Variants in XKR5 observed in about 807,000 individuals in gnomAD.
XKR5 encodes XK-related protein 5.
Under a neutral mutation model 40.8 loss-of-function variants are expected in XKR5, and 46 were observed. The observed-to-expected ratio is 1.13, with a 90% CI of 0.89 to 1.44. The LOEUF is 1.44. Ranked by LOEUF, XKR5 falls within the 40% of genes most tolerant of loss-of-function variation. The pLI is 0.00. For missense variants in XKR5, 1,169 were observed against 844.7 expected, an observed-to-expected ratio of 1.38 and a Z score of -4.76; for synonymous variants, 466 against 356.1, an observed-to-expected ratio of 1.31 and a Z score of -3.48.
At chr8:6,823,471 G>A (rs551240117) in intron 4 of XKR5, 50 bp downstream of exon 4, 10 of 1,533,692 alleles carry the variant, frequency 6.5e-6, no homozygotes, top group Non-Finnish European at 8.9e-6. Flanking sequence ...TTCATTTCTG[G>A]GTTGATTGGT....
At chr8:6,827,859 A>C (rs908904108) in intron 2 of XKR5, among the ~76,000 whole-genome samples, 1 of 152,152 alleles carries the variant, frequency 6.6e-6, no homozygotes, top group Non-Finnish European at 1.5e-5. Context: ...TGAGCTTGGG[A>C]GTTTGAGACC....
chr8:6,814,639 C>G (rs1803878900), intron 6 of XKR5, among the ~76,000 whole-genome samples: 2 of 152,104 alleles, frequency 1.3e-5, no homozygotes, highest in Admixed American at 1.3e-4. Context: ...ACGGGGAGCT[C>G]TGTATTATTT....
chr8:6,812,266 C>T lies in XKR5; in HGVS notation c.993G>A (p.Arg331=), dbSNP rs1275457071. The change falls in exon 7 of 7, where the codon AGG becomes AGA. Residue 331 remains arginine (R), a synonymous_variant. Coordinates refer to ENST00000618742, the MANE Select transcript of XKR5 (RefSeq NM_207411.5). ...CACCTCCTGCAATGCCACAGGACTT[C>T]CTTAGGCAGCCCTGCCAGATGTCTG... ...KSTDIWQGCL[R]KSCGIAGGDK... The T allele has an allele frequency of 1.9e-6, 3 of 1,553,914 alleles. No homozygotes were observed. Among genetic ancestry groups the T allele is most frequent in the Non-Finnish European group, 2.6e-6 (3 of 1,147,742 alleles).
chr8:6,825,077 T>C (rs1804398784), intron 3 of XKR5, 88 bp downstream of exon 3: 2 of 1,511,620 alleles, frequency 1.3e-6, no homozygotes, highest in Non-Finnish European at 1.8e-6. Context: ...AGAGGAAATC[T>C]CGAAGGGAGG....
At chr8:6,821,792 A>AC (rs552404023) in intron 5 of XKR5, 77 bp downstream of exon 5, 5 of 1,293,684 alleles carry the variant, frequency 3.9e-6, no homozygotes, top group Non-Finnish European at 4.2e-6. Flanking sequence ...ACACACACAC[A>AC]CCCCCCACAC....
At position 6,811,518 on chromosome 8, in the gene XKR5, C is replaced by G; in HGVS notation, c.1741G>C (p.Ala581Pro). 6.5e-7 allele frequency: 1 copy of G among 1,530,326 alleles called. No individual in the cohort carries two copies. Among genetic ancestry groups the G allele is most frequent in the Admixed American group, 2.0e-5 (1 of 50,658 alleles). 94.8% of individuals were successfully genotyped at this position (1,530,326 alleles called of 1,614,324 possible). Residue 581 changes from alanine (A) to proline (P), a missense_variant, in exon 7 of 7, where the codon GCA becomes CCA. By Grantham distance (27) the Ala-to-Pro change is conservative. Transcript: ENST00000618742. ...GCCAAGCCCACTGGGTGGGGCGATG[C>G]AGGCTGGGCAGGGCTGCTCTTTCCC... ...RLGKSSPAQP[A>P]SPHPVGLAPF...
At chr8:6,835,399 T>C in intron 1 of XKR5, 37 bp downstream of exon 1, 1 of 1,425,174 alleles carries the variant, frequency 7.0e-7, no homozygotes, top group South Asian at 1.4e-5. Context: ...GGTTAGGGGC[T>C]GCAGGGGTGA....
In XKR5 at chr8:6,833,041, C is replaced by G. The variant is rs74940330; in HGVS notation, c.59-141G>C. 419 of 758,966 alleles carry G rather than the reference C, an allele frequency of 5.5e-4. No homozygotes were observed. In the African/African-American group the frequency reaches 6.8e-3, roughly 12 times the overall value. The allele number at this position is 758,966 out of a possible 1,614,324, so 47.0% of individuals were successfully genotyped here. On this transcript the variant is annotated intron_variant, in intron 1 of 6. Transcript: ENST00000618742. ...TCTTTCTGGCTGGGGAGTGACTGTC[C>G]CTCCCAAGGCTAGCAATTATTTCAG...
chr8:6,811,814 A>G lies in XKR5; in HGVS notation c.1445T>C (p.Leu482Ser). 2.0e-6 allele frequency: 3 copies of G among 1,537,622 alleles called. No individual in the cohort carries two copies. Among genetic ancestry groups the G allele is most frequent in the Middle Eastern group, 1.7e-4 (1 of 5,990 alleles). ...EGVPKAEADPLETSSYVSFAS... is the reference protein window; with the variant it reads ...EGVPKAEADPSETSSYVSFAS... Reference sequence around the variant, plus strand: ...AAAAGATACGTAACTTGAGGTTTCCAATGGGTCGGCCTCTGCTTTAGGGAC... The same window carrying G: ...AAAAGATACGTAACTTGAGGTTTCCGATGGGTCGGCCTCTGCTTTAGGGAC... Residue 482 changes from leucine to serine, a missense_variant, in exon 7 of 7, where the codon TTG (leucine) becomes TCG (serine). Transcript: ENST00000618742.
rs1458068956 is a variant in XKR5, at chr8:6,811,426, G to A, written c.1833C>T (p.Cys611=). Residue 611 remains cysteine, a synonymous_variant, in exon 7 of 7, where the codon TGC becomes TGT. Coordinates refer to ENST00000618742, the MANE Select transcript of XKR5 (RefSeq NM_207411.5). Reference sequence around the variant, plus strand: ...TTCTTCCAGGGAAGCCTGCACTGGGGCAGAAGCCTCTACATGGGCCTGTGC... The same window carrying A: ...TTCTTCCAGGGAAGCCTGCACTGGGACAGAAGCCTCTACATGGGCCTGTGC... ...ILGTGPCRGF[C]PSAGFPGRTL... 2 of 1,536,944 alleles carry A rather than the reference G, an allele frequency of 1.3e-6. No homozygotes were observed. Among genetic ancestry groups the A allele is most frequent in the Non-Finnish European group, 1.7e-6 (2 of 1,146,788 alleles).
chr8:6,818,252 C>T (rs767432194), intron 5 of XKR5, among the ~76,000 whole-genome samples: 24 of 152,224 alleles, frequency 1.6e-4, no homozygotes, highest in Admixed American at 3.3e-4. Context: ...GTTCTAGCGC[C>T]GTCCACACCT....
rs938332915 is a variant in XKR5, at chr8:6,810,559, G to A, written c.*639C>T. 3 of 152,276 alleles carry A rather than the reference G, an allele frequency of 2.0e-5. No individual in the cohort carries two copies. Among genetic ancestry groups the A allele is most frequent in the African/African-American group, 7.2e-5 (3 of 41,456 alleles). The allele number at this position is 152,276 out of a possible 1,614,324, so 9.4% of individuals were successfully genotyped here. A position where few individuals can be genotyped will look rare whatever the true frequency, so the allele number is the denominator to read the frequency against. ...GGTCTGAGAGTGAATTGCAGAAAAT[G>A]TGTGCATGTGCCCTTAGCATGGGTG... On this transcript the variant is annotated 3_prime_UTR_variant, in exon 7 of 7. Coordinates refer to ENST00000618742, the MANE Select transcript of XKR5 (RefSeq NM_207411.5).
In XKR5 at chr8:6,810,972, G is replaced by C. The variant is rs189688402; in HGVS notation, c.*226C>G. On this transcript the variant is annotated 3_prime_UTR_variant, in exon 7 of 7. Coordinates refer to ENST00000618742, the MANE Select transcript of XKR5 (RefSeq NM_207411.5). ...TGGAATCTCTTTCTCCTCCTCTAAA[G>C]TATGTTAGAGTCTCTCCTATGCATG... is the stretch of plus-strand genomic sequence containing the variant. 4.6e-6 allele frequency: 2 copies of C among 431,356 alleles called. No individual in the cohort carries two copies. The highest frequency in any genetic ancestry group is 3.7e-5 in the East Asian group (1 of 27,278). The allele number at this position is 431,356 out of a possible 1,614,324, so 26.7% of individuals were successfully genotyped here. A position where few individuals can be genotyped will look rare whatever the true frequency, so the allele number is the denominator to read the frequency against.
In XKR5 at chr8:6,825,295, T is replaced by C. The variant is rs1025107389; in HGVS notation, c.297A>G (p.Arg99=). ...CGGCCTCCTGCAGCTGCAGCCAGCC[T>C]CGGTGGGGAGCCTCCAGTTCCTTCT... The part of the protein sequence containing the change: ...SLQKELEAPH[R]GWLQLQEADL... The change falls in exon 3 of 7, where the codon CGA becomes CGG. Residue 99 remains arginine (R), a synonymous_variant. Transcript: ENST00000618742. 1 of 1,609,034 alleles carries C rather than the reference T, an allele frequency of 6.2e-7. No individual in the cohort carries two copies. The highest frequency in any genetic ancestry group is 8.5e-7 in the Non-Finnish European group (1 of 1,178,136).
rs561789676 is a variant in XKR5, at chr8:6,832,849, C to G, written c.110G>C (p.Trp37Ser). ...GGGCAGGAGGACAGCAAGGGCCAGC[C>G]ACCCCCACAGAAGCCGTCCTGTGGT... The part of the protein sequence containing the change: ...YFTTGRLLWG[W>S]LALAVLLPGF... Residue 37 changes from tryptophan to serine, a missense_variant, in exon 2 of 7, where the codon TGG (tryptophan) becomes TCG (serine). Transcript: ENST00000618742. The G allele has an allele frequency of 1.9e-6, 3 of 1,610,942 alleles. No homozygotes were observed. The highest frequency in any genetic ancestry group is 2.5e-6 in the Non-Finnish European group (3 of 1,178,824).
At chr8:6,830,463 A>C (rs1804711809) in intron 2 of XKR5, among the ~76,000 whole-genome samples, 1 of 152,126 alleles carries the variant, frequency 6.6e-6, no homozygotes, top group Non-Finnish European at 1.5e-5. Flanking sequence ...TTTTTGGTTC[A>C]TGTTTAACCT....
rs1189826269 is a variant in XKR5, at chr8:6,811,593, GT to G, written c.1665del (p.Gln555HisfsTer48). On this transcript the variant is annotated frameshift_variant, in exon 7 of 7. Coordinates refer to ENST00000618742, the MANE Select transcript of XKR5 (RefSeq NM_207411.5). LOFTEE classifies it low-confidence loss of function (END_TRUNC). The stretch of plus-strand genomic sequence containing the variant: ...TGCAGAGTAGCTGGGCTGCCTTCTT[GT>G]TGTGAGGATGTGGCCACTTCTGCAG... ...SATAEVATSS[Q>X]QEGSPATLQT... 71 of 1,537,284 alleles carry G rather than the reference GT, an allele frequency of 4.6e-5. No individual in the cohort carries two copies. In the Admixed American group the frequency reaches 1.4e-3, roughly 30 times the overall value.
intron 1 of XKR5, among the ~76,000 whole-genome samples, chr8:6,834,017 AC>A: frequency 6.6e-6 from 1 of 151,834 alleles, no homozygotes; most frequent in African/African-American, 2.4e-5. Context: ...GCACTACGAA[AC>A]CGTTAGTCCC....
At chr8:6,820,431 AC>A in intron 5 of XKR5, among the ~76,000 whole-genome samples, 1 of 152,342 alleles carries the variant, frequency 6.6e-6, no homozygotes. Context: ...GGGAGATGAC[AC>A]GGCAACTGAC....
Sources: gnomAD v4.1 joint callset for allele counts (sites outside exome capture counted in the v4.1 genomes callset) on GRCh38, gnomAD v4.1.1 for gene constraint, MANE v1.5 for transcripts, NCBI Gene and HGNC (gene_info 2026-07-23, HGNC 2026-07-21) for gene names.